FBRSL1: variants seen among roughly 807,000 people sequenced by gnomAD.
FBRSL1 encodes the protein fibrosin like 1, also known as fibrosin-1-like protein.
In FBRSL1, 51 loss-of-function variants were observed where a neutral mutation model predicts 89.6. That is an observed-to-expected ratio of 0.57 (90% CI 0.45 to 0.72). The LOEUF (loss-of-function observed/expected upper bound fraction) is 0.72. FBRSL1 is among the 30% of genes least tolerant of loss of function. The probability of loss-of-function intolerance (pLI) is 0.00; values close to 1 mark genes in which losing one functional copy is unlikely to be tolerated. For missense variants in FBRSL1, 1,618 were observed against 1,451.8 expected, an observed-to-expected ratio of 1.11 and a Z score of -1.86; for synonymous variants, 779 against 681.1, an observed-to-expected ratio of 1.14 and a Z score of -2.24.
intron 2 of FBRSL1, among the ~76,000 whole-genome samples, chr12:132,525,344 GC>G (rs1192364128): frequency 1.9e-4 from 29 of 152,340 alleles, no homozygotes; most frequent in Non-Finnish European, 2.9e-4. Flanking sequence ...TGGAGGCCCT[GC>G]CTGTGGTCCC....
intron 5 of FBRSL1, among the ~76,000 whole-genome samples, chr12:132,562,547 A>G: frequency 6.6e-6 from 1 of 152,110 alleles, no homozygotes; most frequent in East Asian, 1.9e-4. Flanking sequence ...TTCACCCTGC[A>G]GAAGCCTGGG....
At chr12:132,581,873 C>A in intron 17 of FBRSL1, 49 bp downstream of exon 17, 1 of 1,473,862 alleles carries the variant, frequency 6.8e-7, no homozygotes, top group Non-Finnish European at 9.1e-7. Flanking sequence ...GCGCCCCTCC[C>A]CCATGCCTGT....
intron 6 of FBRSL1, among the ~76,000 whole-genome samples, chr12:132,569,335 G>A (rs1363243230): frequency 6.6e-6 from 1 of 152,112 alleles, no homozygotes; most frequent in East Asian, 1.9e-4. Context: ...GGCAGTCACA[G>A]TAGGGGGAAG....
At chr12:132,529,376 G>A (rs992275758) in intron 4 of FBRSL1, among the ~76,000 whole-genome samples, 1 of 152,192 alleles carries the variant, frequency 6.6e-6, no homozygotes, top group Non-Finnish European at 1.5e-5. Flanking sequence ...GGCCAGGAGT[G>A]GACCCCAGGA....
At chr12:132,557,247 C>T (rs533800037) in intron 5 of FBRSL1, among the ~76,000 whole-genome samples, 1 of 152,332 alleles carries the variant, frequency 6.6e-6, no homozygotes, top group East Asian at 1.9e-4. Context: ...CTGAACACCA[C>T]CGTCAAGTCC....
intron 2 of FBRSL1, among the ~76,000 whole-genome samples, chr12:132,513,984 C>T (rs746558721): frequency 6.6e-6 from 1 of 152,186 alleles, no homozygotes; most frequent in Non-Finnish European, 1.5e-5. Context: ...TCTCTCTGGA[C>T]CCCTCACTGC....
chr12:132,566,755 C>T (rs1233711082), intron 5 of FBRSL1, among the ~76,000 whole-genome samples: 1 of 152,170 alleles, frequency 6.6e-6, no homozygotes, highest in East Asian at 1.9e-4. Context: ...CTGCTGGGAG[C>T]TTGGCCGGCC....
intron 5 of FBRSL1, chr12:132,565,447 ATGTG>A (rs556598272): frequency 2.0e-5 from 3 of 151,122 alleles, no homozygotes; most frequent in Non-Finnish European, 2.9e-5. Flanking sequence ...ACACCCGAGA[ATGTG>A]TGTGTCCCTG....
chr12:132,564,215 G>T (rs953552897), intron 5 of FBRSL1, among the ~76,000 whole-genome samples: 9 of 152,110 alleles, frequency 5.9e-5, no homozygotes, highest in Non-Finnish European at 1.5e-5. Context: ...CTTCACCCCA[G>T]CCCCACACCA....
intron 2 of FBRSL1, among the ~76,000 whole-genome samples, chr12:132,525,524 G>A (rs2035717656): frequency 6.6e-6 from 1 of 152,202 alleles, no homozygotes; most frequent in African/African-American, 2.4e-5. Flanking sequence ...TCCTGGCTGT[G>A]CAGAGCTCTG....
At chr12:132,533,937 C>T (rs1172897661) in intron 4 of FBRSL1, among the ~76,000 whole-genome samples, 1 of 152,202 alleles carries the variant, frequency 6.6e-6, no homozygotes, top group Non-Finnish European at 1.5e-5. Context: ...TAGGGGCAAG[C>T]CTGTGTGTGC....
chr12:132,491,615 T>G (rs2030986689), intron 1 of FBRSL1, among the ~76,000 whole-genome samples: 1 of 152,226 alleles, frequency 6.6e-6, no homozygotes, highest in Non-Finnish European at 1.5e-5. Flanking sequence ...TGCTGGACTT[T>G]GACTCCCAGA....
chr12:132,498,697 G>A (rs1315404566), intron 1 of FBRSL1, among the ~76,000 whole-genome samples: 1 of 152,204 alleles, frequency 6.6e-6, no homozygotes, highest in Non-Finnish European at 1.5e-5. Context: ...GTCAGCAGGC[G>A]GCCCTGCGTG....
chr12:132,507,138 G>C (rs2033785907), intron 1 of FBRSL1: 1 of 961,954 alleles, frequency 1.0e-6, no homozygotes, highest in Non-Finnish European at 1.2e-6. Context: ...TCCTCCTCGG[G>C]GACACTGTGG....
At chr12:132,508,919 G>A (rs900415738) in intron 2 of FBRSL1, among the ~76,000 whole-genome samples, 3 of 152,158 alleles carry the variant, frequency 2.0e-5, no homozygotes, top group Non-Finnish European at 4.4e-5. Flanking sequence ...AGCAGGTGGG[G>A]GCTTCCCCAG....
rs1265264241 is a variant in FBRSL1 at position 132,583,600 on chromosome 12, C to T, written c.2831C>T (p.Ala944Val). 2.0e-6 allele frequency: 2 copies of T among 992,206 alleles called. No individual in the cohort carries two copies. The highest frequency in any genetic ancestry group is 2.4e-6 in the Non-Finnish European group (2 of 835,724). 61.5% of individuals were successfully genotyped at this position (992,206 alleles called of 1,614,324 possible). A position where few individuals can be genotyped will look rare whatever the true frequency, so the allele number is the denominator to read the frequency against. Residue 944 changes from alanine to valine, a missense_variant, in exon 19 of 19, where the codon GCG (alanine) becomes GTG (valine). Ala to Val is a moderately conservative substitution (Grantham distance 64, BLOSUM62 0). Coordinates refer to ENST00000680143, the MANE Select transcript of FBRSL1 (RefSeq NM_001367871.1). ...SPAALHNGLL[A>V]RTPPAAAALG... ...GCCGCGCTGCACAATGGGCTCCTGG[C>T]GCGGACCCCGCCCGCCGCCGCCGCC... is the stretch of plus-strand genomic sequence containing the variant.
chr12:132,567,076 C>T (rs1014300726), intron 5 of FBRSL1, among the ~76,000 whole-genome samples: 2 of 152,210 alleles, frequency 1.3e-5, no homozygotes, highest in Admixed American at 6.5e-5. Context: ...CTCCATCATC[C>T]GCCTCTGGCC....
rs1444779740 is a variant in FBRSL1 at position 132,581,534 on chromosome 12, C to T, written c.1912+18C>T. 2 of 1,549,860 alleles carry T rather than the reference C, an allele frequency of 1.3e-6. No homozygotes were observed. The highest frequency in any genetic ancestry group is 1.7e-6 in the Non-Finnish European group (2 of 1,146,006). ...CCTGACAGGTGGGTGTCTCTGAATT[C>T]AGCCCACGCAGCCTGGCTGGTTCCT... On this transcript the variant is annotated intron_variant, in intron 16 of 18. Transcript: ENST00000680143.
chr12:132,491,533 G>C (rs768332658), intron 1 of FBRSL1, among the ~76,000 whole-genome samples: 4 of 152,234 alleles, frequency 2.6e-5, no homozygotes, highest in African/African-American at 9.6e-5. Context: ...CTAGCAAGTT[G>C]CCCTGCACCA....
Sources: allele counts gnomAD v4.1 joint callset (sites outside exome capture counted in the v4.1 genomes callset), GRCh38; gene constraint gnomAD v4.1.1; transcripts MANE v1.5; gene names NCBI Gene and HGNC (gene_info 2026-07-23, HGNC 2026-07-21).